Variants in STAMBP observed in about 807,000 individuals in gnomAD.
STAMBP encodes the protein STAM binding protein.
A neutral mutation model predicts 50.7 loss-of-function variants in STAMBP; 31 were observed. That is an observed-to-expected ratio of 0.61 (90% CI 0.46 to 0.83). The LOEUF (loss-of-function observed/expected upper bound fraction) is 0.83. Among genes scored for constraint, STAMBP ranks in the 40% least tolerant of loss-of-function variants. The pLI is 0.00. For synonymous variants in STAMBP, 211 were observed against 192.4 expected (o/e 1.10, Z -0.80); for missense variants, 472 against 518.9 (o/e 0.91, Z 0.88).
intron 7 of STAMBP, among the ~76,000 whole-genome samples, chr2:73,853,649 G>C (rs1035269508): frequency 3.3e-5 from 5 of 152,238 alleles, no homozygotes; most frequent in Non-Finnish European, 7.3e-5. Flanking sequence ...TTGAACCCCA[G>C]AGGCGGAGGT....
rs1678758376 is a variant in STAMBP at position 73,865,206 on chromosome 2, TAG to T, written c.*2948_*2949del. On this transcript the variant is annotated 3_prime_UTR_variant, in exon 10 of 10. Transcript: ENST00000394070. ...TGGGGTTGAGAAGAATGGAGGCTAT[TAG>T]GAGCAAAGCTTTAATGAGTGAAAGT... 3 of 152,216 alleles carry T rather than the reference TAG, an allele frequency of 2.0e-5. No individual in the cohort carries two copies. The highest frequency in any genetic ancestry group is 6.5e-5 in the Admixed American group (1 of 15,282). 9.4% of individuals were successfully genotyped at this position (152,216 alleles called of 1,614,324 possible).
At chr2:73,834,217 AAAAAAAAAAAAAAAAAAAAATATATAT>A (rs1674308527) in intron 2 of STAMBP, among the ~76,000 whole-genome samples, 1 of 16,288 alleles carries the variant, frequency 6.1e-5, no homozygotes, top group Non-Finnish European at 1.0e-4. Context: ...CTTAAAAAAA[AAAAAAAAAAAAAAAAAAAAATATATAT>A]ATATATATAT....
In STAMBP at chr2:73,864,785, A is replaced by G. The variant is rs1419859402; in HGVS notation, c.*2526A>G. 1.3e-5 allele frequency: 2 copies of G among 152,240 alleles called. No homozygotes were observed. Among genetic ancestry groups the G allele is most frequent in the Admixed American group, 6.5e-5 (1 of 15,276 alleles). 9.4% of individuals were successfully genotyped at this position (152,240 alleles called of 1,614,324 possible). On this transcript the variant is annotated 3_prime_UTR_variant, in exon 10 of 10. Coordinates refer to ENST00000394070, the MANE Select transcript of STAMBP (RefSeq NM_213622.4). ...CAAAAGCATCGTCAGGTTGCCAAAC[A>G]ATGTCCCAGTTGCCCTGGGAGGCAC... is the stretch of plus-strand genomic sequence containing the variant.
intron 2 of STAMBP, among the ~76,000 whole-genome samples, chr2:73,833,517 TAGAA>T (rs1348745940): frequency 6.7e-6 from 1 of 150,130 alleles, no homozygotes; most frequent in African/African-American, 2.5e-5. Flanking sequence ...ATATTCTTGG[TAGAA>T]AGAATATTCT....
chr2:73,842,579 T>C (rs578211245), intron 2 of STAMBP, among the ~76,000 whole-genome samples: 1 of 152,308 alleles, frequency 6.6e-6, no homozygotes, highest in East Asian at 1.9e-4. Flanking sequence ...ATATTAGAAG[T>C]GTTTTGGTCT....
intron 2 of STAMBP, among the ~76,000 whole-genome samples, chr2:73,834,021 G>A (rs981304409): frequency 1.3e-5 from 2 of 150,938 alleles, no homozygotes; most frequent in South Asian, 2.1e-4. Flanking sequence ...GACAAGCCTC[G>A]TCAACATGGT....
At chr2:73,872,559 A>T (rs886848853) in intron 10 of STAMBP, among the ~76,000 whole-genome samples, 1 of 152,216 alleles carries the variant, frequency 6.6e-6, no homozygotes, top group African/African-American at 2.4e-5. Context: ...AAGATAAAGG[A>T]GCCCTACTCT....
In STAMBP at chr2:73,847,684, G is replaced by A. The variant is rs1355731734; in HGVS notation, c.673G>A (p.Val225Ile). ...ACAGCCTTCAGACTGTCACACAACT[G>A]TAAGGCCAGCTAAGCCACCTGTGGT... ...SIQPSDCHTTVRPAKPPVVDR... is the reference protein window; with the variant it reads ...SIQPSDCHTTIRPAKPPVVDR... Residue 225 changes from valine (V) to isoleucine (I), a missense_variant, in exon 5 of 10, where the codon GTA (valine) becomes ATA (isoleucine). Transcript: ENST00000394070. 6.2e-7 allele frequency: 1 copy of A among 1,614,060 alleles called. No individual in the cohort carries two copies. Among genetic ancestry groups the A allele is most frequent in the African/African-American group, 1.3e-5 (1 of 74,918 alleles).
intron 7 of STAMBP, among the ~76,000 whole-genome samples, chr2:73,857,266 C>T (rs531186272): frequency 1.3e-5 from 2 of 152,258 alleles, no homozygotes; most frequent in South Asian, 2.1e-4. Flanking sequence ...CAAGGCTCTG[C>T]GCCTACAGTC....
intron 7 of STAMBP, among the ~76,000 whole-genome samples, chr2:73,852,049 A>G (rs1242848134): frequency 2.6e-5 from 4 of 152,226 alleles, no homozygotes; most frequent in African/African-American, 4.8e-5. Flanking sequence ...GTTTTTGAGT[A>G]GAGCAATGAT....
At chr2:73,832,426 G>A (rs993859382) in intron 2 of STAMBP, among the ~76,000 whole-genome samples, 68 of 150,856 alleles carry the variant, frequency 4.5e-4, no homozygotes, top group African/African-American at 1.6e-3. Flanking sequence ...CTGCACTCCA[G>A]GACTCCAGAC....
Position 73,862,340 on chromosome 2 carries a change from C to G in STAMBP, c.*81C>G. Reference sequence around the variant, plus strand: ...CCCTTAATTTAAGCTTTCTAGAAAGCTTTGGAAGTTTTTGTAGATAGTAGA... The same window carrying G: ...CCCTTAATTTAAGCTTTCTAGAAAGGTTTGGAAGTTTTTGTAGATAGTAGA... On this transcript the variant is annotated 3_prime_UTR_variant, in exon 10 of 10. Coordinates refer to ENST00000394070, the MANE Select transcript of STAMBP (RefSeq NM_213622.4). The G allele has an allele frequency of 7.4e-7, 1 of 1,352,648 alleles. No individual in the cohort carries two copies. The highest frequency in any genetic ancestry group is 1.0e-6 in the Non-Finnish European group (1 of 998,718). 83.8% of individuals were successfully genotyped at this position (1,352,648 alleles called of 1,614,324 possible). A position where few individuals can be genotyped will look rare whatever the true frequency, so the allele number is the denominator to read the frequency against.
At chr2:73,840,564 C>G (rs766699810) in intron 2 of STAMBP, among the ~76,000 whole-genome samples, 2 of 151,168 alleles carry the variant, frequency 1.3e-5, no homozygotes, top group Admixed American at 1.3e-4. Flanking sequence ...GTCAACATGG[C>G]GAAACCCCAT....
At chr2:73,859,484 T>C in intron 8 of STAMBP, 118 bp downstream of exon 8, 1 of 788,950 alleles carries the variant, frequency 1.3e-6, no homozygotes, top group East Asian at 2.5e-5. Flanking sequence ...GATTATAATG[T>C]AAGTTGGTTA....
intron 10 of STAMBP, among the ~76,000 whole-genome samples, chr2:73,872,994 T>A (rs917798819): frequency 1.3e-5 from 2 of 152,210 alleles, no homozygotes; most frequent in Non-Finnish European, 1.5e-5. Flanking sequence ...AGGGGTTCTG[T>A]TTTCCCATAG....
chr2:73,848,743 G>C (rs1001506462), intron 5 of STAMBP, among the ~76,000 whole-genome samples: 2 of 152,164 alleles, frequency 1.3e-5, no homozygotes, highest in Non-Finnish European at 2.9e-5. Context: ...TTTTGCATTA[G>C]GAATTAAGTT....
chr2:73,836,593 C>A (rs1230708195), intron 2 of STAMBP, among the ~76,000 whole-genome samples: 2 of 152,230 alleles, frequency 1.3e-5, no homozygotes. Flanking sequence ...TGGCTAAAGC[C>A]TGCAGATGAC....
chr2:73,849,293 G>GC (rs1676506713), intron 5 of STAMBP, 70 bp from the exon 6 acceptor site: 1 of 1,608,414 alleles, frequency 6.2e-7, no homozygotes, highest in African/African-American at 1.3e-5. Context: ...CTCCAGGGCT[G>GC]CTGGCTGTGA....
chr2:73,841,883 A>G (rs1224980357), intron 2 of STAMBP, among the ~76,000 whole-genome samples: 1 of 152,178 alleles, frequency 6.6e-6, no homozygotes, highest in South Asian at 2.1e-4. Flanking sequence ...TTGCCCATCT[A>G]TCCCCATTCA....
Sources: gnomAD v4.1 joint callset for allele counts (sites outside exome capture counted in the v4.1 genomes callset) on GRCh38, gnomAD v4.1.1 for gene constraint, MANE v1.5 for transcripts, NCBI Gene and HGNC (gene_info 2026-07-23, HGNC 2026-07-21) for gene names.